Variants in CCDC177 observed in about 807,000 individuals in gnomAD.
The protein encoded by CCDC177 is coiled-coil domain-containing protein 177.
CCDC177 carries 2 observed loss-of-function variants against 7.3 expected under a neutral mutation model. The ratio of observed to expected loss-of-function variants is 0.28; its 90% CI spans 0.11 to 0.87. The LOEUF (loss-of-function observed/expected upper bound fraction) is 0.87, where lower values mean the gene tolerates loss of function less well. Ranked by LOEUF, CCDC177 falls within the 40% of genes least tolerant of loss-of-function variation. CCDC177 has a pLI of 0.61. For synonymous variants in CCDC177, 401 were observed against 449.2 expected, an observed-to-expected ratio of 0.89 and a Z score of 1.36; for missense variants, 874 against 970.5, an observed-to-expected ratio of 0.90 and a Z score of 1.32.
chr14:69,572,006 G>A lies in CCDC177; in HGVS notation c.1617C>T (p.Gly539=). The A allele has an allele frequency of 8.1e-7, 1 of 1,231,158 alleles. No individual in the cohort carries two copies. Among genetic ancestry groups the A allele is most frequent in the African/African-American group, 1.6e-5 (1 of 64,364 alleles). 76.3% of individuals were successfully genotyped at this position (1,231,158 alleles called of 1,614,324 possible). A position where few individuals can be genotyped will look rare whatever the true frequency, so the allele number is the denominator to read the frequency against. ...AATGCTCGTAGTTCTCCTGCGCACG[G>A]CCCAAACTGGCTTCCAGCGAGCTCC... ...GLRSSLEASL[G]RAQENYEHLV... is the part of the protein sequence containing the mutation. The change falls in exon 2 of 2, where the codon GGC becomes GGT. Residue 539 remains glycine, a synonymous_variant. Coordinates refer to ENST00000599174, the MANE Select transcript of CCDC177 (RefSeq NM_001271507.2).
chr14:69,572,791 C>T lies in CCDC177; in HGVS notation c.832G>A (p.Gly278Arg). ...RASARNSCPA[G>R]SASSTTNAPG... is the part of the protein sequence containing the mutation. The stretch of plus-strand genomic sequence containing the variant: ...GCGTTGGTGGTGGAGGACGCCGACC[C>T]CGCTGGGCAGCTGTTCCTGGCCGAG... The change falls in exon 2 of 2, where the codon GGG becomes AGG. Residue 278 changes from glycine (G) to arginine (R), a missense_variant. By Grantham distance (125) the Gly-to-Arg change is moderately radical. Coordinates refer to ENST00000599174, the MANE Select transcript of CCDC177 (RefSeq NM_001271507.2). The T allele has an allele frequency of 8.1e-7, 1 of 1,231,534 alleles. No individual in the cohort carries two copies. The highest frequency in any genetic ancestry group is 1.0e-6 in the Non-Finnish European group (1 of 987,814). The allele number at this position is 1,231,534 out of a possible 1,614,324, so 76.3% of individuals were successfully genotyped here. A position where few individuals can be genotyped will look rare whatever the true frequency, so the allele number is the denominator to read the frequency against.
rs1183961104 is a variant in CCDC177, at chr14:69,571,601, A to G, written c.2022T>C (p.Ala674=). The change falls in exon 2 of 2, where the codon GCT becomes GCC. Residue 674 remains alanine, a synonymous_variant. Coordinates refer to ENST00000599174, the MANE Select transcript of CCDC177 (RefSeq NM_001271507.2). ...ALESARSTAR[A]SFHVREKVRE... is the part of the protein sequence containing the mutation. ...GCACCTTCTCACGCACGTGGAAGGA[A>G]GCCCGGGCTGTGGAGCGGGCGCTCT... is the stretch of plus-strand genomic sequence containing the variant. 6.5e-6 allele frequency: 8 copies of G among 1,234,832 alleles called. No homozygotes were observed. The African/African-American group carries it at 7.8e-5, about 12-fold the overall frequency. The allele number at this position is 1,234,832 out of a possible 1,614,324, so 76.5% of individuals were successfully genotyped here. A position where few individuals can be genotyped will look rare whatever the true frequency, so the allele number is the denominator to read the frequency against.
chr14:69,573,033 G>A lies in CCDC177; in HGVS notation c.590C>T (p.Pro197Leu), dbSNP rs1884366476. 2 of 1,228,750 alleles carry A rather than the reference G, an allele frequency of 1.6e-6. No homozygotes were observed. The highest frequency in any genetic ancestry group is 3.1e-5 in the African/African-American group (2 of 64,102). The allele number at this position is 1,228,750 out of a possible 1,614,324, so 76.1% of individuals were successfully genotyped here. A position where few individuals can be genotyped will look rare whatever the true frequency, so the allele number is the denominator to read the frequency against. ...GGCCGCACGCGGCGCGGGCGAGGCCGGGAGGCTGGCGCTGCTGCAGCTGCT... is the reference window on the plus strand; with the variant it reads ...GGCCGCACGCGGCGCGGGCGAGGCCAGGAGGCTGGCGCTGCTGCAGCTGCT... ...SSSSCSSASL[P>L]ASPAPRAARK... Residue 197 changes from proline (P) to leucine (L), a missense_variant, in exon 2 of 2, where the codon CCG becomes CTG. Physicochemically the swap from Pro to Leu is moderately conservative, Grantham distance 98 (BLOSUM62 -3). Transcript: ENST00000599174.
chr14:69,572,135 C>A lies in CCDC177; in HGVS notation c.1488G>T (p.Gln496His). 1 of 1,231,060 alleles carries A rather than the reference C, an allele frequency of 8.1e-7. No homozygotes were observed. The highest frequency in any genetic ancestry group is 1.0e-6 in the Non-Finnish European group (1 of 987,594). The allele number at this position is 1,231,060 out of a possible 1,614,324, so 76.3% of individuals were successfully genotyped here. The change falls in exon 2 of 2, where the codon CAG becomes CAT. Residue 496 changes from glutamine (Q) to histidine (H), a missense_variant. By Grantham distance (24) the Gln-to-His change is conservative. Transcript: ENST00000599174. ...TCAGCTCCCGCTTCTCCCGCTGCAG[C>A]TGGCCCTCCTGCCGCTGCTTGGCGC... ...AARAKQRQEG[Q>H]LQREKRELSR... is the part of the protein sequence containing the mutation.
At position 69,571,411 on chromosome 14, in the gene CCDC177, G is replaced by T; in HGVS notation, c.*88C>A. Reference sequence around the variant, plus strand: ...AAGCCTCGAGAGGCCACCGCGCTGCGCACCGAGCGGGGACTCCCACGATGG... The same window carrying T: ...AAGCCTCGAGAGGCCACCGCGCTGCTCACCGAGCGGGGACTCCCACGATGG... On this transcript the variant is annotated 3_prime_UTR_variant, in exon 2 of 2. Coordinates refer to ENST00000599174, the MANE Select transcript of CCDC177 (RefSeq NM_001271507.2). 1 of 942,068 alleles carries T rather than the reference G, an allele frequency of 1.1e-6. No individual in the cohort carries two copies. The highest frequency in any genetic ancestry group is 1.4e-6 in the Non-Finnish European group (1 of 707,696). 58.4% of individuals were successfully genotyped at this position (942,068 alleles called of 1,614,324 possible). A position where few individuals can be genotyped will look rare whatever the true frequency, so the allele number is the denominator to read the frequency against.
Position 69,572,473 on chromosome 14 carries a change from T to A in CCDC177, c.1150A>T (p.Lys384Ter). The A allele has an allele frequency of 8.1e-7, 1 of 1,228,270 alleles. No homozygotes were observed. The highest frequency in any genetic ancestry group is 1.0e-6 in the Non-Finnish European group (1 of 986,470). The allele number at this position is 1,228,270 out of a possible 1,614,324, so 76.1% of individuals were successfully genotyped here. The change falls in exon 2 of 2, where the codon AAG becomes TAG. Residue 384 changes from lysine (K) to a stop codon, truncating the protein, a stop_gained. Transcript: ENST00000599174. LOFTEE classifies it low-confidence loss of function (END_TRUNC). ...CGGCCCTGCTCTAGGGCGCGCTGCT[T>A]CTCCCGCTCCTCGCGCTCCCGCCGC... ...KQRREREEREKQRALEQGRRA... is the reference protein window; with the variant it reads ...KQRREREERE
rs1027403401 is a variant in CCDC177, at chr14:69,572,646, C to T, written c.977G>A (p.Arg326His). The change falls in exon 2 of 2, where the codon CGT (arginine) becomes CAT (histidine). Residue 326 changes from arginine (R) to histidine (H), a missense_variant. By Grantham distance (29) the Arg-to-His change is conservative. Transcript: ENST00000599174. Reference protein sequence around the residue: ...QHVERIVRQVRAERGLRGVPE... With the variant: ...QHVERIVRQVHAERGLRGVPE... ...CACCCCGCGCAGGCCGCGCTCTGCACGCACTTGACGCACGATGCGCTCCAC... is the reference window on the plus strand; with the variant it reads ...CACCCCGCGCAGGCCGCGCTCTGCATGCACTTGACGCACGATGCGCTCCAC... 1 of 1,231,300 alleles carries T rather than the reference C, an allele frequency of 8.1e-7. No homozygotes were observed. Among genetic ancestry groups the T allele is most frequent in the Non-Finnish European group, 1.0e-6 (1 of 987,632 alleles). The allele number at this position is 1,231,300 out of a possible 1,614,324, so 76.3% of individuals were successfully genotyped here.
chr14:69,574,419 G>C (rs1884395351), intron 1 of CCDC177, 123 bp downstream of exon 1: 1 of 152,296 alleles, frequency 6.6e-6, no homozygotes, highest in Non-Finnish European at 1.5e-5. Context: ...TCGGGGTTCA[G>C]ATACCCGCCC....
At position 69,570,260 on chromosome 14, in the gene CCDC177, G is replaced by A. The variant is rs570741733; in HGVS notation, c.*1239C>T. 1.5e-4 allele frequency: 24 copies of A among 155,196 alleles called. No individual in the cohort carries two copies. The highest frequency in any genetic ancestry group is 3.4e-3 in the Middle Eastern group (1 of 298). The allele number at this position is 155,196 out of a possible 1,614,324, so 9.6% of individuals were successfully genotyped here. On this transcript the variant is annotated 3_prime_UTR_variant, in exon 2 of 2. Coordinates refer to ENST00000599174, the MANE Select transcript of CCDC177 (RefSeq NM_001271507.2). ...TGGTGCTTTGGATCCAGGAGGCCTT[G>A]CGGTACCAGGAGAGGAATACTGATG...
chr14:69,573,160 T>G lies in CCDC177; in HGVS notation c.463A>C (p.Ile155Leu). 1.6e-6 allele frequency: 2 copies of G among 1,229,542 alleles called. No individual in the cohort carries two copies. Among genetic ancestry groups the G allele is most frequent in the Non-Finnish European group, 2.0e-6 (2 of 986,684 alleles). 76.2% of individuals were successfully genotyped at this position (1,229,542 alleles called of 1,614,324 possible). The change falls in exon 2 of 2, where the codon ATC becomes CTC. Residue 155 changes from isoleucine to leucine, a missense_variant. Transcript: ENST00000599174. ...AGACGCCGCTTCTCCTCGCGCATGA[T>G]GCGCTCGCGCTCGGCCCGGCATTGC... ...LQQCRAERERIMREEKRRLFT... is the reference protein window; with the variant it reads ...LQQCRAERERLMREEKRRLFT...
Position 69,572,300 on chromosome 14 carries a change from C to T in CCDC177, c.1323G>A (p.Glu441=), listed in dbSNP as rs1038213392. 5.4e-5 allele frequency: 66 copies of T among 1,228,030 alleles called. 1 individual carries two copies. The East Asian group carries it at 2.0e-3, about 37-fold the overall frequency. 76.1% of individuals were successfully genotyped at this position (1,228,030 alleles called of 1,614,324 possible). A position where few individuals can be genotyped will look rare whatever the true frequency, so the allele number is the denominator to read the frequency against. The change falls in exon 2 of 2, where the codon GAG becomes GAA. Residue 441 remains glutamate (E), a synonymous_variant. Coordinates refer to ENST00000599174, the MANE Select transcript of CCDC177 (RefSeq NM_001271507.2). ...LAERQGLLRR[E]RAERAAREDR... ...CCTCCCGGGCCGCGCGCTCCGCCCGCTCCCGCCGCAGGAGGCCCTGGCGTT... is the reference window on the plus strand; with the variant it reads ...CCTCCCGGGCCGCGCGCTCCGCCCGTTCCCGCCGCAGGAGGCCCTGGCGTT...
rs189117631 is a variant in CCDC177 at position 69,570,573 on chromosome 14, C to T, written c.*926G>A. The T allele has an allele frequency of 1.7e-5, 6 of 352,940 alleles. No individual in the cohort carries two copies. The highest frequency in any genetic ancestry group is 4.4e-5 in the South Asian group (2 of 45,268). The allele number at this position is 352,940 out of a possible 1,614,324, so 21.9% of individuals were successfully genotyped here. ...AACTCTCTGGGGCCCACCCTTGAGA[C>T]GGCATGCAGGGCTGGAGATTTAGGC... On this transcript the variant is annotated 3_prime_UTR_variant, in exon 2 of 2. Transcript: ENST00000599174.
intron 1 of CCDC177, 133 bp downstream of exon 1, chr14:69,574,409 T>G (rs1254452649): frequency 6.6e-6 from 1 of 152,214 alleles, no homozygotes; most frequent in Non-Finnish European, 1.5e-5. Context: ...TCCACCCCAG[T>G]CGGGGTTCAG....
Position 69,570,875 on chromosome 14 carries a change from C to A in CCDC177, c.*624G>T. On this transcript the variant is annotated 3_prime_UTR_variant, in exon 2 of 2. Coordinates refer to ENST00000599174, the MANE Select transcript of CCDC177 (RefSeq NM_001271507.2). ...CTGTCTAACTAGAAAACCCAAGGGA[C>A]TAAACTGGAAAACTATCAAAACTGG... is the stretch of plus-strand genomic sequence containing the variant. 1 of 457,638 alleles carries A rather than the reference C, an allele frequency of 2.2e-6. No individual in the cohort carries two copies. Among genetic ancestry groups the A allele is most frequent in the South Asian group, 1.5e-5 (1 of 64,566 alleles). 28.3% of individuals were successfully genotyped at this position (457,638 alleles called of 1,614,324 possible).
At position 69,572,972 on chromosome 14, in the gene CCDC177, G is replaced by A. The variant is rs965864984; in HGVS notation, c.651C>T (p.Thr217=). 1.6e-6 allele frequency: 2 copies of A among 1,231,132 alleles called. No homozygotes were observed. The highest frequency in any genetic ancestry group is 2.0e-6 in the Non-Finnish European group (2 of 987,610). The allele number at this position is 1,231,132 out of a possible 1,614,324, so 76.3% of individuals were successfully genotyped here. A position where few individuals can be genotyped will look rare whatever the true frequency, so the allele number is the denominator to read the frequency against. ...KASPSPSSAR[T]QPPPAGSRTG... ...TTCGAGAACCCGCTGGCGGAGGTTG[G>A]GTCCGGGCGGAGGAGGGACTAGGGG... The change falls in exon 2 of 2, where the codon ACC becomes ACT. Residue 217 remains threonine, a synonymous_variant. Coordinates refer to ENST00000599174, the MANE Select transcript of CCDC177 (RefSeq NM_001271507.2).
chr14:69,573,765 G>A, intron 1 of CCDC177, 115 bp from the exon 2 acceptor site: 1 of 964,080 alleles, frequency 1.0e-6, no homozygotes, highest in Non-Finnish European at 1.3e-6. Context: ...CAGAGGCTTT[G>A]GTGGAACGTA....
chr14:69,574,645 C>G lies in CCDC177; in HGVS notation c.-132G>C, dbSNP rs575485874. The G allele has an allele frequency of 6.6e-6, 1 of 152,124 alleles. No individual in the cohort carries two copies. The highest frequency in any genetic ancestry group is 2.4e-5 in the African/African-American group (1 of 41,410). 9.4% of individuals were successfully genotyped at this position (152,124 alleles called of 1,614,324 possible). A position where few individuals can be genotyped will look rare whatever the true frequency, so the allele number is the denominator to read the frequency against. On this transcript the variant is annotated 5_prime_UTR_variant, in exon 1 of 2. Transcript: ENST00000599174. ...TGCGCCGGCGGGGTCGGGTTACTGC[C>G]GGCTGCAACCGTGAAAGGAGCCCCA...
chr14:69,571,432 G>T lies in CCDC177; in HGVS notation c.*67C>A, dbSNP rs1884321701. 3.5e-6 allele frequency: 4 copies of T among 1,134,548 alleles called. No individual in the cohort carries two copies. The highest frequency in any genetic ancestry group is 4.5e-6 in the Non-Finnish European group (4 of 886,272). The allele number at this position is 1,134,548 out of a possible 1,614,324, so 70.3% of individuals were successfully genotyped here. A position where few individuals can be genotyped will look rare whatever the true frequency, so the allele number is the denominator to read the frequency against. On this transcript the variant is annotated 3_prime_UTR_variant, in exon 2 of 2. Coordinates refer to ENST00000599174, the MANE Select transcript of CCDC177 (RefSeq NM_001271507.2). ...CTGCGCACCGAGCGGGGACTCCCAC[G>T]ATGGTCAGTGGTTGAGGGAGGCCCC...
At position 69,571,942 on chromosome 14, in the gene CCDC177, G is replaced by T. The variant is rs949436516; in HGVS notation, c.1681C>A (p.Arg561=). ...CGCCGACCCTGCAGCTCCTCTCGCCGGGCCCGCTCCCGCAGCTCCCGGGTG... is the reference window on the plus strand; with the variant it reads ...CGCCGACCCTGCAGCTCCTCTCGCCTGGCCCGCTCCCGCAGCTCCCGGGTG... ...QRTRELRERA[R]REELQGRRAK... Residue 561 remains arginine, a synonymous_variant, in exon 2 of 2, where the codon CGG becomes AGG. Transcript: ENST00000599174. The T allele has an allele frequency of 3.6e-5, 44 of 1,232,220 alleles. No individual in the cohort carries two copies. The highest frequency in any genetic ancestry group is 4.2e-5 in the Admixed American group (1 of 23,716). 76.3% of individuals were successfully genotyped at this position (1,232,220 alleles called of 1,614,324 possible).
Sources: gnomAD v4.1 joint callset for allele counts on GRCh38, gnomAD v4.1.1 for gene constraint, MANE v1.5 for transcripts, NCBI Gene and HGNC (gene_info 2026-07-23, HGNC 2026-07-21) for gene names.